Variants in VOPP1 observed in about 807,000 individuals in gnomAD.
The protein encoded by VOPP1 is VOPP1 WW domain binding protein, also known as WW domain binding protein VOPP1.
VOPP1 carries 8 observed loss-of-function variants against 23.5 expected under a neutral mutation model. That is an observed-to-expected ratio of 0.34 (90% confidence interval 0.20 to 0.61). VOPP1 has a LOEUF of 0.61. Ranked by LOEUF, VOPP1 falls within the 20% of genes least tolerant of loss-of-function variation. The pLI is 0.78. For synonymous variants in VOPP1, 83 were observed against 97.3 expected (o/e 0.85, Z 0.86); for missense variants, 174 against 238.1 (o/e 0.73, Z 1.77).
intron 1 of VOPP1, among the ~76,000 whole-genome samples, chr7:55,539,883 GCATAA>G (rs1298970011): frequency 2.8e-5 from 4 of 145,100 alleles, no homozygotes; most frequent in Non-Finnish European, 4.5e-5. Flanking sequence ...ACAAACGGGC[GCATAA>G]CATAAGCGCT....
chr7:55,494,367 C>A (rs1793797047), intron 3 of VOPP1, among the ~76,000 whole-genome samples: 1 of 152,176 alleles, frequency 6.6e-6, no homozygotes, highest in African/African-American at 2.4e-5. Context: ...TGGCCACTTC[C>A]AAGAGACCAG....
chr7:55,528,495 G>A (rs1796314598), intron 1 of VOPP1, among the ~76,000 whole-genome samples: 1 of 152,098 alleles, frequency 6.6e-6, no homozygotes, highest in African/African-American at 2.4e-5. Context: ...AACCAGCCTG[G>A]TCAACATGGT....
At chr7:55,552,699 C>T (rs553204484) in intron 1 of VOPP1, 5 of 1,535,854 alleles carry the variant, frequency 3.3e-6, no homozygotes, top group Non-Finnish European at 4.4e-6. Flanking sequence ...GGTCCTGGAG[C>T]CCCAGCCCCT....
At position 55,565,424 on chromosome 7, in the gene VOPP1, C is replaced by T. The variant is rs368834827; in HGVS notation, c.54+6847G>A. 3.7e-4 allele frequency among the ~76,000 whole-genome samples: 56 copies of T among 152,328 alleles called. No individual in the cohort carries two copies. In the South Asian group the frequency reaches 0.011, roughly 31 times the overall value. On this transcript the variant is annotated intron_variant, in intron 1 of 4. Coordinates refer to ENST00000285279, the MANE Select transcript of VOPP1 (RefSeq NM_030796.5). The stretch of plus-strand genomic sequence containing the variant: ...AGTCATCCAACTCCACCCAGAATCT[C>T]TGTAATTGACTCTGCTCTATTCAAC...
intron 4 of VOPP1, among the ~76,000 whole-genome samples, chr7:55,452,621 G>T (rs1027892776): frequency 2.6e-5 from 4 of 152,244 alleles, no homozygotes; most frequent in African/African-American, 9.6e-5. Context: ...TCCATGGGCT[G>T]CAGAATGAAT....
downstream of VOPP1, among the ~76,000 whole-genome samples, chr7:55,435,303 G>C (rs1456808626): frequency 6.6e-6 from 1 of 152,318 alleles, no homozygotes; most frequent in East Asian, 1.9e-4. Flanking sequence ...TTTCAGGCTG[G>C]GGGGTAAAGA....
intron 4 of VOPP1, among the ~76,000 whole-genome samples, chr7:55,449,778 G>A (rs547947374): frequency 6.6e-6 from 1 of 152,062 alleles, no homozygotes; most frequent in Non-Finnish European, 1.5e-5. Context: ...CCCCCGCACT[G>A]TGCCCTCTAC....
chr7:55,501,293 C>T (rs936736546), intron 2 of VOPP1, among the ~76,000 whole-genome samples: 1 of 152,260 alleles, frequency 6.6e-6, no homozygotes, highest in African/African-American at 2.4e-5. Flanking sequence ...CGGATGCCCC[C>T]ACAACATTAG....
At position 55,491,170 on chromosome 7, in the gene VOPP1, T is replaced by C. The variant is rs187235629; in HGVS notation, c.328+1112A>G. ...ATAGCCATGCTCTATTCCATAAACATCTCTATTACCTACAAAAGTTTTCTC... is the reference window on the plus strand; with the variant it reads ...ATAGCCATGCTCTATTCCATAAACACCTCTATTACCTACAAAAGTTTTCTC... On this transcript the variant is annotated intron_variant, in intron 4 of 4. Transcript: ENST00000285279. Among the ~76,000 whole-genome samples, 4 of 152,320 alleles carry C rather than the reference T, an allele frequency of 2.6e-5. No individual in the cohort carries two copies. In the East Asian group the frequency reaches 7.7e-4, roughly 29 times the overall value.
At chr7:55,460,076 TTAAA>T (rs56302644) in intron 4 of VOPP1, among the ~76,000 whole-genome samples, 134,899 of 151,990 alleles carry the variant, frequency 0.89, 60,033 homozygotes, top group African/African-American at 0.92. Flanking sequence ...TATTTTCATA[TTAAA>T]TATTTAAAAA....
chr7:55,523,615 C>A (rs1356829252), intron 1 of VOPP1, among the ~76,000 whole-genome samples: 1 of 152,154 alleles, frequency 6.6e-6, no homozygotes, highest in Non-Finnish European at 1.5e-5. Context: ...CTTGCCAGCT[C>A]CCCAAAACTT....
chr7:55,491,388 C>G (rs994137610), intron 4 of VOPP1, among the ~76,000 whole-genome samples: 1 of 152,238 alleles, frequency 6.6e-6, no homozygotes, highest in Non-Finnish European at 1.5e-5. Flanking sequence ...CTAGAACTGA[C>G]CACCTATCCA....
At chr7:55,445,276 CAG>C (rs753044629) in intron 4 of VOPP1, among the ~76,000 whole-genome samples, 1,734 of 70,490 alleles carry the variant, frequency 0.025, 22 homozygotes, top group Non-Finnish European at 0.046. Context: ...CATACACACA[CAG>C]ACACACACAC....
intron 1 of VOPP1, among the ~76,000 whole-genome samples, chr7:55,558,729 C>A (rs1797889403): frequency 6.6e-6 from 1 of 152,140 alleles, no homozygotes; most frequent in Non-Finnish European, 1.5e-5. Flanking sequence ...CAGACAAAGA[C>A]CCAAAAGACA....
intron 1 of VOPP1, among the ~76,000 whole-genome samples, chr7:55,551,948 G>A (rs2129053941): frequency 6.8e-6 from 1 of 146,020 alleles, no homozygotes; most frequent in South Asian, 2.2e-4. Flanking sequence ...TCTGAGGCAT[G>A]AGAATCGCTT....
intron 4 of VOPP1, among the ~76,000 whole-genome samples, chr7:55,483,543 CA>C (rs1792900714): frequency 6.6e-6 from 1 of 152,100 alleles, no homozygotes; most frequent in South Asian, 2.1e-4. Flanking sequence ...CCAAATAGGG[CA>C]GTGCCTCTTA....
chr7:55,470,202 C>T (rs761678247), downstream of VOPP1, among the ~76,000 whole-genome samples: 1 of 152,114 alleles, frequency 6.6e-6, no homozygotes, highest in African/African-American at 2.4e-5. Context: ...GACCCCATCT[C>T]TAAAACACAA....
chr7:55,537,926 A>C (rs538621887), intron 1 of VOPP1, among the ~76,000 whole-genome samples: 1 of 152,330 alleles, frequency 6.6e-6, no homozygotes, highest in East Asian at 1.9e-4. Flanking sequence ...GATGGAGGCC[A>C]GCGTGAATCT....
At chr7:55,454,151 T>C (rs979439922) in intron 4 of VOPP1, among the ~76,000 whole-genome samples, 6 of 152,224 alleles carry the variant, frequency 3.9e-5, no homozygotes, top group African/African-American at 1.4e-4. Context: ...AGCTCTCACC[T>C]CAGTCATTTA....
Sources: gnomAD v4.1 joint callset for allele counts (sites outside exome capture counted in the v4.1 genomes callset) on GRCh38, gnomAD v4.1.1 for gene constraint, MANE v1.5 for transcripts, NCBI Gene and HGNC (gene_info 2026-07-23, HGNC 2026-07-21) for gene names.